The following TBC1D32 variants were observed in gnomAD, a reference collection of about 807,000 sequenced individuals.
The protein encoded by TBC1D32 is protein broad-minded.
Under a neutral mutation model 170.3 loss-of-function variants are expected in TBC1D32, and 151 were observed. The ratio of observed to expected loss-of-function variants is 0.89; its 90% CI spans 0.78 to 1.01. The LOEUF is 1.01. Among genes scored for constraint, TBC1D32 ranks in the 50% least tolerant of loss-of-function variants. TBC1D32 has a pLI of 0.00. For synonymous variants in TBC1D32, 498 were observed against 488.0 expected (o/e 1.02, Z -0.27); for missense variants, 1,464 against 1,457.1 (o/e 1.00, Z -0.08).
chr6:121,231,630 G>A (rs991444025), intron 20 of TBC1D32, among the ~76,000 whole-genome samples: 8 of 151,698 alleles, frequency 5.3e-5, no homozygotes, highest in South Asian at 4.2e-4. Context: ...GGAATAAGGT[G>A]GTATCACATT....
chr6:121,268,892 C>G (rs1800931745), intron 15 of TBC1D32, among the ~76,000 whole-genome samples: 1 of 152,174 alleles, frequency 6.6e-6, no homozygotes, highest in Admixed American at 6.5e-5. Flanking sequence ...AAGAGAAGCC[C>G]ATCAGACTAA....
intron 25 of TBC1D32, among the ~76,000 whole-genome samples, chr6:121,130,234 C>T (rs1200008614): frequency 1.3e-5 from 2 of 152,130 alleles, no homozygotes; most frequent in African/African-American, 4.8e-5. Context: ...GTAATCTCAG[C>T]ATTTTGGGAG....
At chr6:121,281,750 CTGT>C (rs933164080) in intron 13 of TBC1D32, 64 bp from the exon 14 acceptor site, 2 of 1,321,086 alleles carry the variant, frequency 1.5e-6, no homozygotes, top group Non-Finnish European at 2.0e-6. Context: ...TTTATGTTAG[CTGT>C]TGTTGTTCCA....
At chr6:121,199,999 T>C (rs759043656) in intron 22 of TBC1D32, among the ~76,000 whole-genome samples, 1 of 151,432 alleles carries the variant, frequency 6.6e-6, no homozygotes, top group African/African-American at 2.4e-5. Context: ...AACCTGTTCA[T>C]TGTACTATAT....
intron 22 of TBC1D32, chr6:121,170,396 C>A: frequency 6.3e-7 from 1 of 1,593,482 alleles, no homozygotes; most frequent in South Asian, 1.1e-5. Flanking sequence ...TTTAATCACC[C>A]ATTTTTACCT....
chr6:121,103,989 A>C (rs891882947), intron 30 of TBC1D32, among the ~76,000 whole-genome samples: 1 of 151,914 alleles, frequency 6.6e-6, no homozygotes, highest in Non-Finnish European at 1.5e-5. Context: ...AAGAGCAAAA[A>C]TTGGCCAAGG....
rs35946120 is a variant in TBC1D32 at position 121,240,357 on chromosome 6, A to ATTTTTTTTTTTT, written c.2245+1096_2245+1107dup. On this transcript the variant is annotated intron_variant, in intron 19 of 31. Coordinates refer to ENST00000398212, the MANE Select transcript of TBC1D32 (RefSeq NM_152730.6). Reference sequence around the variant, plus strand: ...AAAATTAGTGGTTCAGTTTAGGACAATTTTTTTTTTTTTTTTTTTTTTTTT... The same window carrying ATTTTTTTTTTTT: ...AAAATTAGTGGTTCAGTTTAGGACAATTTTTTTTTTTTTTTTTTTTTTTTTTTTTTTTTTTTT... Among the ~76,000 whole-genome samples the ATTTTTTTTTTTT allele has an allele frequency of 7.7e-4, 58 of 75,292 alleles. 5 individuals are homozygous for ATTTTTTTTTTTT. The highest frequency in any genetic ancestry group is 0.013 in the Middle Eastern group (1 of 78). The allele number at this position is 75,292 out of a possible 152,430, so 49.4% of individuals were successfully genotyped here.
chr6:121,186,672 G>A (rs1223766225), intron 22 of TBC1D32, among the ~76,000 whole-genome samples: 1 of 151,884 alleles, frequency 6.6e-6, no homozygotes, highest in Non-Finnish European at 1.5e-5. Flanking sequence ...TCTCTCTCCT[G>A]CTTTACGTAG....
chr6:121,247,056 T>C lies in TBC1D32; in HGVS notation c.2019-4717A>G, dbSNP rs528735366. 7.2e-5 allele frequency among the ~76,000 whole-genome samples: 11 copies of C among 152,152 alleles called. No homozygotes were observed. The South Asian group carries it at 1.9e-3, about 26-fold the overall frequency. Reference sequence around the variant, plus strand: ...TAAAGTCAAGATGAAGGACAGAATCTTAAGAGCTCTGAGAAAAAAGCATCA... The same window carrying C: ...TAAAGTCAAGATGAAGGACAGAATCCTAAGAGCTCTGAGAAAAAAGCATCA... On this transcript the variant is annotated intron_variant, in intron 17 of 31. Coordinates refer to ENST00000398212, the MANE Select transcript of TBC1D32 (RefSeq NM_152730.6).
chr6:121,242,425 G>A (rs1356602538), intron 17 of TBC1D32, 86 bp from the exon 18 acceptor site: 1 of 1,333,956 alleles, frequency 7.5e-7, no homozygotes, highest in African/African-American at 1.5e-5. Flanking sequence ...GCTTAACCCT[G>A]TTTACAATTA....
At chr6:121,242,083 A>ATATGGTCTTTTAACAGAGGCT in intron 18 of TBC1D32, 118 bp downstream of exon 18, 1 of 1,024,704 alleles carries the variant, frequency 9.8e-7, no homozygotes. Flanking sequence ...TTACAATGCT[A>ATATGGTCTTTTAACAGAGGCT]TATGGTCTTT....
chr6:121,087,762 G>A (rs1265209795), intron 31 of TBC1D32, among the ~76,000 whole-genome samples: 1 of 152,010 alleles, frequency 6.6e-6, no homozygotes, highest in Non-Finnish European at 1.5e-5. Flanking sequence ...AGAAGTATGA[G>A]CTCATTCCTC....
intron 31 of TBC1D32, among the ~76,000 whole-genome samples, chr6:121,089,668 T>C (rs1776610428): frequency 6.6e-6 from 1 of 152,212 alleles, no homozygotes; most frequent in African/African-American, 2.4e-5. Context: ...TTAAAACCTT[T>C]TGAATTCTGA....
At chr6:121,304,111 TAA>T (rs36058595) in intron 8 of TBC1D32, among the ~76,000 whole-genome samples, 136,843 of 145,970 alleles carry the variant, frequency 0.94, 64,218 homozygotes, top group South Asian at 0.97. Flanking sequence ...ACTGATACAT[TAA>T]AAAAAAAAAA....
intron 15 of TBC1D32, among the ~76,000 whole-genome samples, chr6:121,271,931 A>T (rs1801500964): frequency 6.6e-6 from 1 of 152,142 alleles, no homozygotes; most frequent in South Asian, 2.1e-4. Context: ...GGAACAGAAC[A>T]GAGCCCTCAG....
At chr6:121,235,208 G>C (rs117194362) in intron 20 of TBC1D32, among the ~76,000 whole-genome samples, 3,668 of 152,274 alleles carry the variant, frequency 0.024, 164 homozygotes, top group East Asian at 0.12. Context: ...GCACTTTCAA[G>C]AGGGCATCAG....
intron 15 of TBC1D32, among the ~76,000 whole-genome samples, chr6:121,271,859 C>G (rs1188541736): frequency 6.6e-6 from 1 of 152,138 alleles, no homozygotes; most frequent in Admixed American, 6.5e-5. Flanking sequence ...TCAAACTGTA[C>G]TACAAGGCTA....
intron 22 of TBC1D32, chr6:121,170,487 G>A (rs752291817): frequency 2.5e-6 from 4 of 1,606,648 alleles, no homozygotes; most frequent in Non-Finnish European, 3.4e-6. Context: ...GCCTCTAACA[G>A]GAGAAGAGTG....
At chr6:121,333,495 CTA>C (rs1811462983) in intron 1 of TBC1D32, among the ~76,000 whole-genome samples, 1 of 152,152 alleles carries the variant, frequency 6.6e-6, no homozygotes, top group African/African-American at 2.4e-5. Context: ...ACTTAAGAAA[CTA>C]TTCCAGAGGA....
Sources: gnomAD v4.1 joint callset for allele counts (sites outside exome capture counted in the v4.1 genomes callset) on GRCh38, gnomAD v4.1.1 for gene constraint, MANE v1.5 for transcripts, NCBI Gene and HGNC (gene_info 2026-07-23, HGNC 2026-07-21) for gene names.